ZNF157: variants seen among roughly 807,000 people sequenced by gnomAD.
The protein encoded by ZNF157 is zinc finger protein 22.
A neutral mutation model predicts 9.4 loss-of-function variants in ZNF157; 8 were observed. The observed-to-expected ratio is 0.85, with a 90% CI of 0.50 to 1.53. ZNF157 has a LOEUF of 1.53. ZNF157 is among the 40% of genes most tolerant of loss of function. The probability of loss-of-function intolerance (pLI) is 0.00; values close to 1 mark genes in which losing one functional copy is unlikely to be tolerated. For missense variants in ZNF157, 316 were observed against 385.2 expected, an observed-to-expected ratio of 0.82 and a Z score of 1.50; for synonymous variants, 120 against 130.8, an observed-to-expected ratio of 0.92 and a Z score of 0.56.
chrX:47,389,350 A>ATT (rs763942145), intron 1 of ZNF157, among the ~76,000 whole-genome samples: 2 of 96,378 alleles, frequency 2.1e-5, no homozygotes, highest in Non-Finnish European at 2.1e-5. Context: ...GGAGCCATTA[A>ATT]TTTTTTTTTT....
Position 47,387,152 on chromosome X carries a change from C to T in ZNF157, c.72+16412C>T, listed in dbSNP as rs113727660. 2.0e-3 allele frequency among the ~76,000 whole-genome samples: 197 copies of T among 100,297 alleles called. 1 individual carries two copies. Among genetic ancestry groups the T allele is most frequent in the African/African-American group, 7.0e-3 (191 of 27,160 alleles). The allele number at this position is 100,297 out of a possible 115,157, so 87.1% of individuals were successfully genotyped here. A position where few individuals can be genotyped will look rare whatever the true frequency, so the allele number is the denominator to read the frequency against. ...TTTTTTTTTTTTTGAGTCAGAGTTT[C>T]GCTCTTGTTGCCCAGGCTGGAGTGC... is the stretch of plus-strand genomic sequence containing the variant. On this transcript the variant is annotated intron_variant, in intron 1 of 3. Coordinates refer to ENST00000377073, the MANE Select transcript of ZNF157 (RefSeq NM_003446.4).
chrX:47,391,297 C>T (rs1376472558), intron 1 of ZNF157: 1 of 112,060 alleles, frequency 8.9e-6, no homozygotes, highest in African/African-American at 3.2e-5. Context: ...GACTGGCTCC[C>T]ATTTGCAACT....
At position 47,412,637 on chromosome X, in the gene ZNF157, A is replaced by G; in HGVS notation, c.564A>G (p.Arg188=). 1.7e-6 allele frequency: 2 copies of G among 1,211,954 alleles called. No homozygotes were observed. The highest frequency in any genetic ancestry group is 2.2e-6 in the Non-Finnish European group (2 of 895,565). The change falls in exon 4 of 4, where the codon AGA becomes AGG. Residue 188 remains arginine, a synonymous_variant. Transcript: ENST00000377073. ...ATCTGAGAATACACACAGGAGAGAG[A>G]CCCTATGAATGCGGTGAATGTGCAA... is the stretch of plus-strand genomic sequence containing the variant. ...VEHLRIHTGE[R]PYECGECAKT... is the part of the protein sequence containing the mutation.
chrX:47,396,259 G>A (rs1254661049), intron 1 of ZNF157, among the ~76,000 whole-genome samples: 2 of 110,437 alleles, frequency 1.8e-5, no homozygotes, highest in Non-Finnish European at 3.8e-5. Flanking sequence ...TGATATATTG[G>A]CCGGGTGCAG....
chrX:47,380,327 G>A (rs928035001), intron 1 of ZNF157, among the ~76,000 whole-genome samples: 10 of 110,907 alleles, frequency 9.0e-5, no homozygotes, highest in African/African-American at 3.3e-4. Context: ...ACTTGGAAGA[G>A]GGCCAAGCAG....
intron 1 of ZNF157, among the ~76,000 whole-genome samples, chrX:47,406,874 G>A (rs934471799): frequency 3.6e-5 from 4 of 112,277 alleles, no homozygotes; most frequent in Non-Finnish European, 5.6e-5. Flanking sequence ...CTTTGAATAG[G>A]ATTTTGATTT....
chrX:47,388,989 T>C (rs1175795895), intron 1 of ZNF157, among the ~76,000 whole-genome samples: 4 of 109,278 alleles, frequency 3.7e-5, no homozygotes, highest in Non-Finnish European at 7.6e-5. Flanking sequence ...TTTTGTATTT[T>C]TAGTAGAGAC....
intron 1 of ZNF157, among the ~76,000 whole-genome samples, chrX:47,373,284 G>T (rs1170491376): frequency 4.5e-5 from 5 of 111,483 alleles, no homozygotes; most frequent in Non-Finnish European, 9.4e-5. Flanking sequence ...CTGGGCCGGT[G>T]GCTCACAGGT....
chrX:47,403,514 T>G (rs1419032548), intron 1 of ZNF157, among the ~76,000 whole-genome samples: 1 of 110,084 alleles, frequency 9.1e-6, no homozygotes, highest in Admixed American at 9.8e-5. Context: ...ATTGTATTTT[T>G]AGTAGAGACT....
intron 1 of ZNF157, among the ~76,000 whole-genome samples, chrX:47,400,759 G>A (rs1411673569): frequency 2.7e-5 from 3 of 111,703 alleles, no homozygotes; most frequent in African/African-American, 6.5e-5. Flanking sequence ...AGGCTCAGGC[G>A]ATCCTCCCGC....
chrX:47,404,598 G>A (rs906380832), intron 1 of ZNF157, among the ~76,000 whole-genome samples: 4 of 110,800 alleles, frequency 3.6e-5, no homozygotes, highest in Non-Finnish European at 7.6e-5. Context: ...AGATGAAAAA[G>A]GAATCAATGA....
Position 47,413,343 on chromosome X carries a change from A to T in ZNF157, c.1270A>T (p.Ser424Cys). The change falls in exon 4 of 4, where the codon AGT (serine) becomes TGT (cysteine). Residue 424 changes from serine to cysteine, a missense_variant. Around this residue, in one of 3 missense-constraint regions of ZNF157, gnomAD observed 167 missense variants for 183.6 expected, o/e 0.91. Coordinates refer to ENST00000377073, the MANE Select transcript of ZNF157 (RefSeq NM_003446.4). Reference protein sequence around the residue: ...YECSECGKIFSMKKSLCQHRR... With the variant: ...YECSECGKIFCMKKSLCQHRR... ...ATGTAGTGAATGTGGGAAAATCTTC[A>T]GTATGAAGAAATCCCTTTGTCAACA... 3 of 1,211,491 alleles carry T rather than the reference A, an allele frequency of 2.5e-6. No homozygotes were observed. Among genetic ancestry groups the T allele is most frequent in the Non-Finnish European group, 3.4e-6 (3 of 895,218 alleles).
At position 47,370,682 on chromosome X, in the gene ZNF157, G is replaced by A. The variant is rs2055826043; in HGVS notation, c.14G>A (p.Gly5Glu). The A allele has an allele frequency of 2.5e-6, 3 of 1,205,899 alleles. No individual in the cohort carries two copies. Among genetic ancestry groups the A allele is most frequent in the East Asian group, 6.0e-5 (2 of 33,480 alleles). The change falls in exon 1 of 4, where the codon GGG becomes GAG. Residue 5 changes from glycine (G) to glutamate (E), a missense_variant. Gly to Glu is a moderately conservative substitution (Grantham distance 98). Transcript: ENST00000377073. ...CCCAGGGTGAACATGCCAGCTAATG[G>A]GACATCACCCCAGAGATTCCCTGCC... MPANGTSPQRFPALI... is the reference protein window; with the variant it reads MPANETSPQRFPALI...
rs781777890 is a variant in ZNF157 at position 47,412,810 on chromosome X, A to G, written c.737A>G (p.Tyr246Cys). The change falls in exon 4 of 4, where the codon TAT becomes TGT. Residue 246 changes from tyrosine (Y) to cysteine (C), a missense_variant. Physicochemically the swap from Tyr to Cys is radical, Grantham distance 194. Transcript: ENST00000377073. ...HTRTHTGERPYECTECGKTFS... is the reference protein window; with the variant it reads ...HTRTHTGERPCECTECGKTFS... Reference sequence around the variant, plus strand: ...AGAACACACACTGGAGAGAGACCCTATGAATGTACTGAATGTGGGAAAACC... The same window carrying G: ...AGAACACACACTGGAGAGAGACCCTGTGAATGTACTGAATGTGGGAAAACC... 4.1e-6 allele frequency: 5 copies of G among 1,210,331 alleles called. No homozygotes were observed. Among genetic ancestry groups the G allele is most frequent in the Admixed American group, 2.2e-5 (1 of 45,726 alleles).
At chrX:47,404,564 G>A (rs1201794414) in intron 1 of ZNF157, among the ~76,000 whole-genome samples, 2 of 110,981 alleles carry the variant, frequency 1.8e-5, no homozygotes, top group African/African-American at 6.5e-5. Context: ...TGGAAACTCA[G>A]AAATGGACTC....
chrX:47,401,852 A>G (rs1262080896), intron 1 of ZNF157, among the ~76,000 whole-genome samples: 1 of 109,573 alleles, frequency 9.1e-6, no homozygotes, highest in East Asian at 2.9e-4. Context: ...CAAACCTCCC[A>G]CCTCAGCCTC....
At chrX:47,399,847 T>C (rs1380509390) in intron 1 of ZNF157, among the ~76,000 whole-genome samples, 3 of 110,778 alleles carry the variant, frequency 2.7e-5, no homozygotes, top group African/African-American at 9.8e-5. Context: ...GCCTAGTTAA[T>C]TTTTGGAATT....
At chrX:47,387,573 T>A (rs2055883450) in intron 1 of ZNF157, among the ~76,000 whole-genome samples, 2 of 110,373 alleles carry the variant, frequency 1.8e-5, no homozygotes, top group East Asian at 5.8e-4. Context: ...TCTTGCTTAA[T>A]CTGTATATTC....
Position 47,404,420 on chromosome X carries a change from C to A in ZNF157, c.73-5856C>A, listed in dbSNP as rs761678990. 9.1e-5 allele frequency among the ~76,000 whole-genome samples: 10 copies of A among 110,222 alleles called. 1 individual carries two copies. The East Asian group carries it at 2.9e-3, about 32-fold the overall frequency. ...CCTCAGGTGATCTGCTTGCCTCGGC[C>A]TCCCAAAATGCTGGGATTACAGGCT... On this transcript the variant is annotated intron_variant, in intron 1 of 3. Transcript: ENST00000377073.
Sources: gnomAD v4.1 joint callset for allele counts (sites outside exome capture counted in the v4.1 genomes callset) on GRCh38, gnomAD v4.1.1 for gene constraint, gnomAD v4.1.1 regional missense constraint, MANE v1.5 for transcripts, NCBI Gene and HGNC (gene_info 2026-07-23, HGNC 2026-07-21) for gene names.